ZNF490: variants seen among roughly 807,000 people sequenced by gnomAD.
ZNF490 encodes the protein zinc finger protein 490.
Under a neutral mutation model 17.7 loss-of-function variants are expected in ZNF490, and 11 were observed. The observed-to-expected ratio is 0.62, with a 90% CI of 0.39 to 1.03. The LOEUF is 1.03. Among genes scored for constraint, ZNF490 ranks in the 50% least tolerant of loss-of-function variants. ZNF490 has a pLI of 0.00. For missense variants in ZNF490, 542 were observed against 643.4 expected, an observed-to-expected ratio of 0.84 and a Z score of 1.71; for synonymous variants, 222 against 216.1, an observed-to-expected ratio of 1.03 and a Z score of -0.24.
intron 3 of ZNF490, among the ~76,000 whole-genome samples, 195 bp from the exon 4 acceptor site, chr19:12,583,105 G>A (rs1004475855): frequency 1.0e-4 from 15 of 150,620 alleles, no homozygotes; most frequent in Non-Finnish European, 1.8e-4. Context: ...GCAATGGCGC[G>A]GTCTCAGCTC....
chr19:12,610,334 G>A (rs1001353668), intron 1 of ZNF490, among the ~76,000 whole-genome samples: 3 of 96,928 alleles, frequency 3.1e-5, no homozygotes, highest in Non-Finnish European at 5.8e-5. Context: ...CCACCACGCA[G>A]TAGCTGGGAC....
chr19:12,597,276 G>A (rs915539891), intron 2 of ZNF490: 1 of 444,326 alleles, frequency 2.3e-6, no homozygotes, highest in Non-Finnish European at 4.6e-6. Flanking sequence ...CTAGCGAACC[G>A]CTAGAATAAG....
intron 2 of ZNF490, among the ~76,000 whole-genome samples, chr19:12,598,381 C>T (rs1369803010): frequency 6.7e-6 from 1 of 149,842 alleles, no homozygotes; most frequent in Non-Finnish European, 1.5e-5. Context: ...TAATTCTCCC[C>T]TTTTTTTTTG....
rs553062816 is a variant in ZNF490, at chr19:12,578,681, C to T, written c.*1804G>A. Reference sequence around the variant, plus strand: ...AGTACAGCATTCCCACAGTCTGACCCGAGGACACTGATGGAAACTTAAAAG... The same window carrying T: ...AGTACAGCATTCCCACAGTCTGACCTGAGGACACTGATGGAAACTTAAAAG... On this transcript the variant is annotated 3_prime_UTR_variant, in exon 5 of 5. Coordinates refer to ENST00000311437, the MANE Select transcript of ZNF490 (RefSeq NM_020714.3). 103 of 985,470 alleles carry T rather than the reference C, an allele frequency of 1.0e-4. No individual in the cohort carries two copies. Among genetic ancestry groups the T allele is most frequent in the Non-Finnish European group, 1.2e-4 (98 of 829,968 alleles). 61.0% of individuals were successfully genotyped at this position (985,470 alleles called of 1,614,324 possible).
At chr19:12,599,730 A>T (rs777126711) in intron 2 of ZNF490, among the ~76,000 whole-genome samples, 1 of 152,196 alleles carries the variant, frequency 6.6e-6, no homozygotes, top group Admixed American at 6.5e-5. Flanking sequence ...TTTTGGTAAA[A>T]AGATTATAAG....
intron 2 of ZNF490, chr19:12,597,039 C>G (rs1485870520): frequency 2.2e-6 from 1 of 447,388 alleles, no homozygotes; most frequent in Non-Finnish European, 4.5e-6. Flanking sequence ...CAGCCCCACG[C>G]TGCTGGGAGA....
At position 12,580,075 on chromosome 19, in the gene ZNF490, C is replaced by T; in HGVS notation, c.*410G>A. On this transcript the variant is annotated 3_prime_UTR_variant, in exon 5 of 5. Coordinates refer to ENST00000311437, the MANE Select transcript of ZNF490 (RefSeq NM_020714.3). ...TGAGCCGCGATCGCACCACTGCACT[C>T]CAGCCTGGGCAACAAGAGCAAAATT... 1.1e-6 allele frequency: 1 copy of T among 937,000 alleles called. No homozygotes were observed. The highest frequency in any genetic ancestry group is 1.3e-6 in the Non-Finnish European group (1 of 784,522). 58.0% of individuals were successfully genotyped at this position (937,000 alleles called of 1,614,324 possible). A position where few individuals can be genotyped will look rare whatever the true frequency, so the allele number is the denominator to read the frequency against.
At chr19:12,583,077 T>C (rs1379188794) in intron 3 of ZNF490, among the ~76,000 whole-genome samples, 167 bp from the exon 4 acceptor site, 1 of 151,650 alleles carries the variant, frequency 6.6e-6, no homozygotes, top group African/African-American at 2.4e-5. Context: ...AGAGTCTCGC[T>C]GTTGCCCAGG....
intron 1 of ZNF490, 146 bp downstream of exon 1, chr19:12,610,418 G>T: frequency 1.4e-6 from 1 of 704,878 alleles, no homozygotes; most frequent in Non-Finnish European, 2.4e-6. Flanking sequence ...GTGGGGAAAA[G>T]AAAGGTGGAC....
chr19:12,577,452 G>A lies in ZNF490; in HGVS notation c.*3033C>T. 1.0e-6 allele frequency: 1 copy of A among 985,360 alleles called. No individual in the cohort carries two copies. Among genetic ancestry groups the A allele is most frequent in the Non-Finnish European group, 1.2e-6 (1 of 829,918 alleles). 61.0% of individuals were successfully genotyped at this position (985,360 alleles called of 1,614,324 possible). A position where few individuals can be genotyped will look rare whatever the true frequency, so the allele number is the denominator to read the frequency against. ...AAGCACAACATGGCAGCTCAAGAAT[G>A]TGAAAGGACCTGAAATGGGTTGAGT... is the stretch of plus-strand genomic sequence containing the variant. On this transcript the variant is annotated 3_prime_UTR_variant, in exon 5 of 5. Transcript: ENST00000311437.
chr19:12,609,330 A>C (rs1439302163), intron 1 of ZNF490, 128 bp from the exon 2 acceptor site: 1 of 733,334 alleles, frequency 1.4e-6, no homozygotes, highest in Non-Finnish European at 2.3e-6. Flanking sequence ...AGAAGGGTGG[A>C]TCATGGGAGT....
intron 3 of ZNF490, 107 bp downstream of exon 3, chr19:12,583,323 G>A: frequency 7.6e-7 from 1 of 1,323,130 alleles, no homozygotes; most frequent in Non-Finnish European, 1.0e-6. Flanking sequence ...ACAGGCGCGA[G>A]CCACCGTGCC....
chr19:12,585,149 T>G (rs1385674289), intron 2 of ZNF490, among the ~76,000 whole-genome samples: 1 of 93,734 alleles, frequency 1.1e-5, no homozygotes, highest in African/African-American at 3.2e-5. Context: ...GCGAATTGGC[T>G]CTGTCGCCAG....
intron 2 of ZNF490, among the ~76,000 whole-genome samples, chr19:12,602,184 T>C (rs989763873): frequency 2.6e-5 from 4 of 151,740 alleles, no homozygotes; most frequent in African/African-American, 9.7e-5. Context: ...TATGTCTGAA[T>C]TGCCTCATGT....
intron 3 of ZNF490, 26 bp from the exon 4 acceptor site, chr19:12,582,936 C>T: frequency 1.3e-6 from 2 of 1,572,000 alleles, no homozygotes; most frequent in Non-Finnish European, 1.7e-6. Flanking sequence ...AGAGAACTCA[C>T]AATAAATTAT....
intron 2 of ZNF490, among the ~76,000 whole-genome samples, chr19:12,595,509 C>T (rs987777297): frequency 6.6e-6 from 1 of 151,784 alleles, no homozygotes; most frequent in African/African-American, 2.4e-5. Flanking sequence ...TGTGCCCTTC[C>T]TTCTTTAATC....
intron 2 of ZNF490, chr19:12,597,026 G>A: frequency 2.3e-6 from 1 of 435,160 alleles, no homozygotes; most frequent in South Asian, 1.6e-5. Context: ...CCAGCTGCCG[G>A]CCCAGCCCCA....
At chr19:12,610,038 A>G (rs987439548) in intron 1 of ZNF490, 3 of 431,302 alleles carry the variant, frequency 7.0e-6, no homozygotes, top group African/African-American at 6.2e-5. Context: ...ACAAACAAAC[A>G]AAAAAACAAC....
At chr19:12,609,058 C>G in intron 2 of ZNF490, 100 bp downstream of exon 2, 1 of 1,154,696 alleles carries the variant, frequency 8.7e-7, no homozygotes, top group Non-Finnish European at 1.3e-6. Flanking sequence ...TTCACAAAGA[C>G]CCGAAAGACC....
Sources: allele counts gnomAD v4.1 joint callset (sites outside exome capture counted in the v4.1 genomes callset), GRCh38; gene constraint gnomAD v4.1.1; transcripts MANE v1.5; gene names NCBI Gene and HGNC (gene_info 2026-07-23, HGNC 2026-07-21).